APIP: variants seen among roughly 807,000 people sequenced by gnomAD.
APIP encodes APAF1 interacting protein.
A neutral mutation model predicts 32.0 loss-of-function variants in APIP; 32 were observed. That is an observed-to-expected ratio of 1.00 (90% CI 0.76 to 1.34). The LOEUF (loss-of-function observed/expected upper bound fraction) is 1.34. Ranked by LOEUF, APIP falls within the 40% of genes most tolerant of loss-of-function variation. The pLI is 0.00. For synonymous variants in APIP, 92 were observed against 94.8 expected (o/e 0.97, Z 0.17); for missense variants, 247 against 298.6 (o/e 0.83, Z 1.27).
intron 1 of APIP, among the ~76,000 whole-genome samples, chr11:34,907,493 C>T (rs748706927): frequency 6.6e-6 from 1 of 152,140 alleles, no homozygotes; most frequent in Admixed American, 6.5e-5. Context: ...ATTTTCAATC[C>T]TTGAGACCCA....
At chr11:34,886,141 C>G (rs944767483) in intron 5 of APIP, among the ~76,000 whole-genome samples, 3 of 151,732 alleles carry the variant, frequency 2.0e-5, no homozygotes, top group African/African-American at 7.3e-5. Flanking sequence ...GGAGGTATTC[C>G]GGAAGAAGGC....
chr11:34,903,754 C>T (rs933117075), intron 1 of APIP, among the ~76,000 whole-genome samples: 5 of 152,160 alleles, frequency 3.3e-5, no homozygotes, highest in Admixed American at 2.6e-4. Flanking sequence ...AGAAATTAAA[C>T]CTCAGTACTC....
intron 4 of APIP, 22 bp from the exon 5 acceptor site, chr11:34,888,450 C>T (rs370412975): frequency 5.6e-6 from 9 of 1,598,990 alleles, no homozygotes; most frequent in South Asian, 3.5e-5. Flanking sequence ...AGAAGAAAGC[C>T]GCATGCTCAA....
intron 1 of APIP, among the ~76,000 whole-genome samples, chr11:34,913,430 G>T (rs1015024512): frequency 6.6e-6 from 1 of 152,124 alleles, no homozygotes; most frequent in African/African-American, 2.4e-5. Context: ...TCCTTCTGGT[G>T]GGTTCGTGGT....
At chr11:34,905,468 C>G (rs1324607863) in intron 1 of APIP, among the ~76,000 whole-genome samples, 1 of 152,224 alleles carries the variant, frequency 6.6e-6, no homozygotes, top group Non-Finnish European at 1.5e-5. Flanking sequence ...GAGCAACACT[C>G]TGCTCCCAGT....
At chr11:34,887,486 A>C (rs1470690139) in intron 5 of APIP, among the ~76,000 whole-genome samples, 1 of 152,224 alleles carries the variant, frequency 6.6e-6, no homozygotes, top group East Asian at 1.9e-4. Flanking sequence ...AACTGAAATC[A>C]AATCAATTTC....
chr11:34,893,571 G>A (rs1853214142), intron 2 of APIP, among the ~76,000 whole-genome samples: 2 of 152,216 alleles, frequency 1.3e-5, no homozygotes, highest in South Asian at 2.1e-4. Context: ...GAGCAATGCT[G>A]TATTTACACA....
intron 1 of APIP, among the ~76,000 whole-genome samples, chr11:34,913,261 C>A (rs1345713223): frequency 6.6e-6 from 1 of 152,246 alleles, no homozygotes; most frequent in Non-Finnish European, 1.5e-5. Context: ...GCTTAACAGG[C>A]CCTTTAGGTC....
At chr11:34,886,604 T>C (rs1853075645) in intron 5 of APIP, among the ~76,000 whole-genome samples, 1 of 152,228 alleles carries the variant, frequency 6.6e-6, no homozygotes, top group Non-Finnish European at 1.5e-5. Context: ...CTCACTCACT[T>C]ATTCACCCAG....
At chr11:34,901,056 T>C (rs2915216) in intron 1 of APIP, among the ~76,000 whole-genome samples, 54,240 of 151,884 alleles carry the variant, frequency 0.36, 10,363 homozygotes, top group East Asian at 0.74. Flanking sequence ...TAGGGCCAGA[T>C]AGTACCCTAG....
chr11:34,906,707 A>G (rs896045739), intron 1 of APIP, among the ~76,000 whole-genome samples: 1 of 152,216 alleles, frequency 6.6e-6, no homozygotes, highest in Non-Finnish European at 1.5e-5. Flanking sequence ...TAACACCTCT[A>G]GTAAAGCAGA....
intron 5 of APIP, 137 bp from the exon 6 acceptor site, chr11:34,883,641 G>T: frequency 1.3e-6 from 1 of 798,524 alleles, no homozygotes; most frequent in Non-Finnish European, 2.0e-6. Context: ...TGAACAGGAT[G>T]TTGCGTGTTA....
intron 1 of APIP, among the ~76,000 whole-genome samples, chr11:34,910,193 G>T (rs939579513): frequency 6.6e-6 from 1 of 152,170 alleles, no homozygotes; most frequent in Non-Finnish European, 1.5e-5. Context: ...CCAGCCCAAA[G>T]AAATGGGTGG....
chr11:34,912,025 C>T (rs1166735505), intron 1 of APIP, among the ~76,000 whole-genome samples: 1 of 152,090 alleles, frequency 6.6e-6, no homozygotes, highest in African/African-American at 2.4e-5. Context: ...TGAGTAAATG[C>T]TTTCTTTTTT....
intron 1 of APIP, among the ~76,000 whole-genome samples, chr11:34,898,913 C>T (rs1200230405): frequency 6.6e-6 from 1 of 151,372 alleles, no homozygotes; most frequent in Non-Finnish European, 1.5e-5. Context: ...ATTCTCCTGC[C>T]TCAGCCTCCC....
intron 5 of APIP, among the ~76,000 whole-genome samples, chr11:34,885,733 G>C (rs1431055444): frequency 1.3e-5 from 2 of 152,170 alleles, no homozygotes; most frequent in African/African-American, 4.8e-5. Context: ...GGCAGGCGCA[G>C]TGTGAGTTTG....
At chr11:34,909,679 T>C (rs890269840) in intron 1 of APIP, among the ~76,000 whole-genome samples, 7 of 151,960 alleles carry the variant, frequency 4.6e-5, no homozygotes, top group Non-Finnish European at 7.4e-5. Context: ...GTGCTGAGGG[T>C]GGCGGAAGAT....
intron 5 of APIP, among the ~76,000 whole-genome samples, chr11:34,885,486 G>A (rs1853051851): frequency 1.3e-5 from 2 of 151,956 alleles, no homozygotes; most frequent in African/African-American, 4.8e-5. Flanking sequence ...AGAAGAGGTC[G>A]GGGGCACCTT....
At chr11:34,893,075 T>C (rs996316811) in intron 2 of APIP, among the ~76,000 whole-genome samples, 2 of 152,202 alleles carry the variant, frequency 1.3e-5, no homozygotes, top group African/African-American at 4.8e-5. Flanking sequence ...ATTTCACATA[T>C]ATGATGAAAA....
Sources: allele counts gnomAD v4.1 joint callset (sites outside exome capture counted in the v4.1 genomes callset), GRCh38; gene constraint gnomAD v4.1.1; transcripts MANE v1.5; gene names NCBI Gene and HGNC (gene_info 2026-07-23, HGNC 2026-07-21).